The following HEMK2 variants were observed in gnomAD, a reference collection of about 807,000 sequenced individuals.
HEMK2 encodes the protein HemK methyltransferase 2, ETF1 glutamine and histone H4 lysine.
chr21:28,714,964 T>C, the HEMK2 span, among the ~76,000 whole-genome samples: 8 of 152,206 alleles, frequency 5.3e-5, no homozygotes, highest in Admixed American at 5.2e-4. Flanking sequence ...CTGCAATCAA[T>C]GTGACTTCAT....
At chr21:28,588,277 A>G in the HEMK2 span, among the ~76,000 whole-genome samples, 24 of 152,158 alleles carry the variant, frequency 1.6e-4, no homozygotes, top group Non-Finnish European at 3.4e-4. Context: ...TTCTTGCTCT[A>G]CCCATTACTT....
At chr21:28,830,236 G>C in the HEMK2 span, among the ~76,000 whole-genome samples, 71 of 152,250 alleles carry the variant, frequency 4.7e-4, no homozygotes, top group Non-Finnish European at 1.5e-4. Context: ...TCCCAATGTT[G>C]GGGGAGGGAT....
chr21:28,647,380 T>A, the HEMK2 span, among the ~76,000 whole-genome samples: 2 of 143,986 alleles, frequency 1.4e-5, no homozygotes, highest in African/African-American at 5.2e-5. Context: ...TGGTGGCACG[T>A]GCCTGTAGTC....
chr21:28,579,223 T>G, the HEMK2 span, among the ~76,000 whole-genome samples: 1 of 152,204 alleles, frequency 6.6e-6, no homozygotes, highest in Non-Finnish European at 1.5e-5. Flanking sequence ...ACATATGTCA[T>G]TACATTATAT....
At chr21:28,598,540 G>T in the HEMK2 span, among the ~76,000 whole-genome samples, 6 of 152,218 alleles carry the variant, frequency 3.9e-5, no homozygotes, top group Non-Finnish European at 8.8e-5. Context: ...CCTGCAAGCT[G>T]ATGCCTGGTT....
At chr21:28,653,227 C>T in the HEMK2 span, among the ~76,000 whole-genome samples, 651 of 152,234 alleles carry the variant, frequency 4.3e-3, 4 homozygotes, top group Non-Finnish European at 7.3e-3. Flanking sequence ...AAGGCTAAAT[C>T]CCAATTCTGG....
At chr21:28,641,212 C>T in the HEMK2 span, among the ~76,000 whole-genome samples, 2 of 152,134 alleles carry the variant, frequency 1.3e-5, no homozygotes, top group Non-Finnish European at 2.9e-5. Flanking sequence ...CTAAACTCTC[C>T]TTCAACTACA....
the HEMK2 span, among the ~76,000 whole-genome samples, chr21:28,884,655 A>G: frequency 1.2e-4 from 18 of 152,278 alleles, no homozygotes; most frequent in African/African-American, 4.3e-4. Flanking sequence ...CAGTTCCTCA[A>G]TAGCACTAGC....
chr21:28,824,645 A>G, the HEMK2 span, among the ~76,000 whole-genome samples: 1 of 152,214 alleles, frequency 6.6e-6, no homozygotes, highest in Non-Finnish European at 1.5e-5. Context: ...CTTCCCAGAA[A>G]TAAAAAAAGA....
chr21:28,631,149 C>T, the HEMK2 span, among the ~76,000 whole-genome samples: 1 of 152,118 alleles, frequency 6.6e-6, no homozygotes, highest in Admixed American at 6.6e-5. Context: ...AAAGCTCTCC[C>T]TCTTCCTGGT....
chr21:28,825,258 C>T, the HEMK2 span, among the ~76,000 whole-genome samples: 2 of 152,164 alleles, frequency 1.3e-5, no homozygotes, highest in South Asian at 4.1e-4. Flanking sequence ...GGCACCACCT[C>T]CAGAGTTCCT....
At chr21:28,879,875 G>C in the HEMK2 span, 1 of 1,569,550 alleles carries the variant, frequency 6.4e-7, no homozygotes, top group Admixed American at 2.0e-5. Flanking sequence ...TTTACCTCTT[G>C]AGGTGGAGTC....
chr21:28,733,630 G>A, the HEMK2 span, among the ~76,000 whole-genome samples: 1 of 151,792 alleles, frequency 6.6e-6, no homozygotes, highest in Admixed American at 6.6e-5. Flanking sequence ...GAATTAAGTT[G>A]CGTACCCACT....
chr21:28,713,219 A>G, the HEMK2 span, among the ~76,000 whole-genome samples: 2 of 152,106 alleles, frequency 1.3e-5, no homozygotes, highest in Non-Finnish European at 2.9e-5. Flanking sequence ...AATATCTCCC[A>G]GATTCCTCCA....
chr21:28,733,234 G>A, the HEMK2 span, among the ~76,000 whole-genome samples: 82 of 152,240 alleles, frequency 5.4e-4, 1 homozygote, highest in East Asian at 9.3e-3. Context: ...AGCCGAGATC[G>A]TGCCACTGCA....
At chr21:28,739,686 C>T in the HEMK2 span, among the ~76,000 whole-genome samples, 11 of 152,150 alleles carry the variant, frequency 7.2e-5, no homozygotes, top group Non-Finnish European at 1.3e-4. Context: ...TAGCCATTAG[C>T]CCTAGGTGCC....
the HEMK2 span, among the ~76,000 whole-genome samples, chr21:28,667,678 G>A: frequency 6.6e-6 from 1 of 152,094 alleles, no homozygotes; most frequent in Non-Finnish European, 1.5e-5. Context: ...AGTTACAAAA[G>A]TAAAAGAGGG....
chr21:28,615,282 TA>T, the HEMK2 span, among the ~76,000 whole-genome samples: 2 of 151,998 alleles, frequency 1.3e-5, no homozygotes, highest in African/African-American at 4.8e-5. Context: ...TTCGGGGTTT[TA>T]CTAGGGTCGT....
At chr21:28,579,093 C>T in the HEMK2 span, among the ~76,000 whole-genome samples, 6 of 152,142 alleles carry the variant, frequency 3.9e-5, no homozygotes, top group South Asian at 2.1e-4. Flanking sequence ...TTTGTGAACT[C>T]GGTAGGGGTA....
Sources: allele counts gnomAD v4.1 joint callset (sites outside exome capture counted in the v4.1 genomes callset), GRCh38; gene constraint gnomAD v4.1.1; transcripts MANE v1.5; gene names NCBI Gene and HGNC (gene_info 2026-07-23, HGNC 2026-07-21).